The following LRRC4C variants were observed in gnomAD, a reference collection of about 807,000 sequenced individuals.
LRRC4C encodes leucine-rich repeat-containing protein 4C.
In LRRC4C, 5 loss-of-function variants were observed where a neutral mutation model predicts 33.6. That is an observed-to-expected ratio of 0.15 (90% confidence interval 0.08 to 0.31). LRRC4C has a LOEUF of 0.31. LRRC4C is among the 10% of genes least tolerant of loss of function. LRRC4C has a pLI of 1.00. For synonymous variants in LRRC4C, 329 were observed against 302.0 expected (o/e 1.09, Z -0.93); for missense variants, 560 against 796.7 (o/e 0.70, Z 3.58).
chr11:40,544,269 G>T (rs903426632), intron 3 of LRRC4C, among the ~76,000 whole-genome samples: 1 of 152,002 alleles, frequency 6.6e-6, no homozygotes, highest in Non-Finnish European at 1.5e-5. Context: ...AGTATTTTCT[G>T]CATAAATACA....
intron 6 of LRRC4C, among the ~76,000 whole-genome samples, chr11:40,137,174 G>A (rs1590481488): frequency 9.6e-6 from 1 of 104,204 alleles, no homozygotes; most frequent in South Asian, 2.4e-4. Flanking sequence ...GTGTGTGTGT[G>A]TGTGTGTGTG....
chr11:41,291,013 C>T (rs1187091157), intron 1 of LRRC4C, among the ~76,000 whole-genome samples: 3 of 152,004 alleles, frequency 2.0e-5, no homozygotes, highest in Admixed American at 1.3e-4. Context: ...AACTATTCTT[C>T]GTCATCTAAG....
chr11:41,205,403 C>T (rs2136285362), intron 1 of LRRC4C, among the ~76,000 whole-genome samples: 1 of 152,262 alleles, frequency 6.6e-6, no homozygotes, highest in Non-Finnish European at 1.5e-5. Flanking sequence ...CTGAAATCTT[C>T]AAGGCAGGAG....
chr11:40,961,869 T>A (rs903588852), intron 1 of LRRC4C, among the ~76,000 whole-genome samples: 8 of 151,708 alleles, frequency 5.3e-5, no homozygotes, highest in Non-Finnish European at 8.9e-5. Context: ...CACCAGATGC[T>A]GTGTGTTTAG....
chr11:40,391,737 C>T (rs951347296), intron 3 of LRRC4C, among the ~76,000 whole-genome samples: 1 of 152,126 alleles, frequency 6.6e-6, no homozygotes, highest in African/African-American at 2.4e-5. Context: ...AGTGACAAAA[C>T]CACACACTGC....
intron 6 of LRRC4C, among the ~76,000 whole-genome samples, chr11:40,127,598 G>A (rs11035702): frequency 0.049 from 7,529 of 152,222 alleles, 258 homozygotes; most frequent in Middle Eastern, 0.075. Flanking sequence ...GAAAGTTTCT[G>A]CTCTTGTCCC....
intron 3 of LRRC4C, among the ~76,000 whole-genome samples, chr11:40,561,654 C>T (rs1049589967): frequency 3.3e-4 from 50 of 151,980 alleles, no homozygotes; most frequent in African/African-American, 1.2e-3. Context: ...CCTTGTGATC[C>T]GCCTGCCTCA....
chr11:41,390,133 C>T (rs1385937477), intron 1 of LRRC4C, among the ~76,000 whole-genome samples: 2 of 151,576 alleles, frequency 1.3e-5, no homozygotes, highest in Non-Finnish European at 1.5e-5. Flanking sequence ...TTTTGTTTGC[C>T]GAGGATTTGA....
intron 5 of LRRC4C, among the ~76,000 whole-genome samples, chr11:40,153,422 G>A (rs1858391893): frequency 6.6e-6 from 1 of 152,016 alleles, no homozygotes; most frequent in South Asian, 2.1e-4. Flanking sequence ...CACCAGCAAT[G>A]GATCCAAACC....
intron 1 of LRRC4C, among the ~76,000 whole-genome samples, chr11:41,151,196 C>T (rs1337365303): frequency 6.6e-6 from 1 of 152,130 alleles, no homozygotes; most frequent in African/African-American, 2.4e-5. Flanking sequence ...CATAGGAGAC[C>T]AGCTCTCCCA....
chr11:40,716,697 A>G (rs188351503), intron 2 of LRRC4C, among the ~76,000 whole-genome samples: 1 of 152,294 alleles, frequency 6.6e-6, no homozygotes, highest in African/African-American at 2.4e-5. Flanking sequence ...AACTGCCTTA[A>G]AACCATACTG....
intron 1 of LRRC4C, among the ~76,000 whole-genome samples, chr11:41,038,843 T>C (rs1482632332): frequency 1.3e-5 from 2 of 152,156 alleles, no homozygotes; most frequent in Middle Eastern, 3.2e-3. Flanking sequence ...ACCCTGGCAT[T>C]TGAAAAAACA....
chr11:40,355,952 T>TAG lies in LRRC4C; in HGVS notation c.-269-36232_-269-36231insCT, dbSNP rs1296824519. 1.1e-3 allele frequency among the ~76,000 whole-genome samples: 124 copies of TAG among 116,376 alleles called. 2 individuals carry two copies. The highest frequency in any genetic ancestry group is 6.0e-3 in the South Asian group (19 of 3,148). 76.3% of individuals were successfully genotyped at this position (116,376 alleles called of 152,430 possible). ...TTTACATTCATAGTATAGTATAGTATTGTATAGTATAGTATAGTATAGTAC... is the reference window on the plus strand; with the variant it reads ...TTTACATTCATAGTATAGTATAGTATAGTGTATAGTATAGTATAGTATAGTAC... On this transcript the variant is annotated intron_variant, in intron 3 of 6. Coordinates refer to ENST00000528697, the MANE Select transcript of LRRC4C (RefSeq NM_001258419.2).
Position 40,733,194 on chromosome 11 carries a change from G to A in LRRC4C, c.-406-84916C>T, listed in dbSNP as rs1053022412. 4.4e-5 allele frequency among the ~76,000 whole-genome samples: 6 copies of A among 137,238 alleles called. No homozygotes were observed. In the East Asian group the frequency reaches 1.2e-3, roughly 29 times the overall value. The allele number at this position is 137,238 out of a possible 152,430, so 90.0% of individuals were successfully genotyped here. On this transcript the variant is annotated intron_variant, in intron 2 of 6. Transcript: ENST00000528697. Reference sequence around the variant, plus strand: ...GGGTTCACGCTATTCTCCTGCCTCAGCCTCCCGAGTAGCTGGGACAACAGG... The same window carrying A: ...GGGTTCACGCTATTCTCCTGCCTCAACCTCCCGAGTAGCTGGGACAACAGG...
intron 1 of LRRC4C, among the ~76,000 whole-genome samples, chr11:41,112,635 T>C (rs1476848414): frequency 2.6e-5 from 4 of 152,056 alleles, no homozygotes; most frequent in African/African-American, 9.7e-5. Context: ...TACCCCACTG[T>C]CATTTTATAA....
chr11:40,585,433 AAAAG>A (rs1958678885), intron 3 of LRRC4C, among the ~76,000 whole-genome samples: 1 of 152,166 alleles, frequency 6.6e-6, no homozygotes, highest in Non-Finnish European at 1.5e-5. Flanking sequence ...TGGACTTAAA[AAAAG>A]ACATTGAGTG....
intron 2 of LRRC4C, among the ~76,000 whole-genome samples, chr11:40,910,964 G>C (rs1008720306): frequency 3.3e-5 from 5 of 152,212 alleles, no homozygotes; most frequent in African/African-American, 1.2e-4. Context: ...ACAGTAGTCT[G>C]AGATCAAACT....
intron 1 of LRRC4C, among the ~76,000 whole-genome samples, chr11:41,428,551 A>G (rs1409916551): frequency 6.6e-6 from 1 of 152,154 alleles, no homozygotes; most frequent in East Asian, 1.9e-4. Context: ...TATTGTTGTT[A>G]GAACAAAAAT....
At chr11:40,261,045 T>A (rs1448420950) in intron 4 of LRRC4C, among the ~76,000 whole-genome samples, 2 of 152,080 alleles carry the variant, frequency 1.3e-5, no homozygotes, top group Non-Finnish European at 2.9e-5. Context: ...CATATTCAGC[T>A]AATTTTTAAA....
Sources: gnomAD v4.1 joint callset for allele counts (sites outside exome capture counted in the v4.1 genomes callset) on GRCh38, gnomAD v4.1.1 for gene constraint, MANE v1.5 for transcripts, NCBI Gene and HGNC (gene_info 2026-07-23, HGNC 2026-07-21) for gene names.